The following PACSIN2 variants were observed in gnomAD, a reference collection of about 807,000 sequenced individuals.
PACSIN2 encodes the protein protein kinase C and casein kinase substrate in neurons protein 2.
A neutral mutation model predicts 63.8 loss-of-function variants in PACSIN2; 25 were observed. That is an observed-to-expected ratio of 0.39 (90% CI 0.29 to 0.55). The LOEUF (loss-of-function observed/expected upper bound fraction) is 0.55. PACSIN2 is among the 20% of genes least tolerant of loss of function. The probability of loss-of-function intolerance (pLI) is 0.62; values close to 1 mark genes in which losing one functional copy is unlikely to be tolerated. For synonymous variants in PACSIN2, 255 were observed against 256.2 expected (o/e 1.00, Z 0.05); for missense variants, 518 against 646.9 (o/e 0.80, Z 2.16).
At chr22:42,875,910 C>T (rs1405604609) in intron 10 of PACSIN2, among the ~76,000 whole-genome samples, 1 of 151,988 alleles carries the variant, frequency 6.6e-6, no homozygotes, top group Non-Finnish European at 1.5e-5. Context: ...TGGGCTCAAG[C>T]GATCCTTCCA....
chr22:43,009,607 C>T (rs1270685787), intron 1 of PACSIN2, among the ~76,000 whole-genome samples: 3 of 152,166 alleles, frequency 2.0e-5, no homozygotes, highest in African/African-American at 7.2e-5. Context: ...TGCTGATTGT[C>T]CCAGACCTCA....
At chr22:43,008,583 T>A (rs563517008) in intron 1 of PACSIN2, among the ~76,000 whole-genome samples, 1 of 152,310 alleles carries the variant, frequency 6.6e-6, no homozygotes, top group Non-Finnish European at 1.5e-5. Flanking sequence ...ATGAGCTCTT[T>A]ATATAGCTCA....
Position 42,901,395 on chromosome 22 carries a change from C to T in PACSIN2, c.61-7782G>A, listed in dbSNP as rs144461288. Reference sequence around the variant, plus strand: ...TCCAAGTCTGCAGTTGGCAACGAGACGGGCAAAATGCTTTCGATAACTTGT... The same window carrying T: ...TCCAAGTCTGCAGTTGGCAACGAGATGGGCAAAATGCTTTCGATAACTTGT... On this transcript the variant is annotated intron_variant, in intron 2 of 10. Coordinates refer to ENST00000263246, the MANE Select transcript of PACSIN2 (RefSeq NM_001184970.3). Among the ~76,000 whole-genome samples, 35 of 152,306 alleles carry T rather than the reference C, an allele frequency of 2.3e-4. No homozygotes were observed. In the East Asian group the frequency reaches 2.9e-3, roughly 13 times the overall value.
chr22:43,001,412 C>A (rs902528861), intron 1 of PACSIN2, among the ~76,000 whole-genome samples: 2 of 152,252 alleles, frequency 1.3e-5, no homozygotes, highest in African/African-American at 4.8e-5. Flanking sequence ...GAGCAAAGTA[C>A]AATTTCCACA....
chr22:42,881,298 C>A (rs1055916885), intron 7 of PACSIN2, among the ~76,000 whole-genome samples: 2 of 152,186 alleles, frequency 1.3e-5, no homozygotes, highest in African/African-American at 4.8e-5. Context: ...CCCTAACAGC[C>A]CCCGACAGGA....
chr22:42,960,181 A>G (rs936108993), intron 1 of PACSIN2, among the ~76,000 whole-genome samples: 2 of 152,368 alleles, frequency 1.3e-5, no homozygotes, highest in East Asian at 1.9e-4. Flanking sequence ...GAGTCTTCTA[A>G]TATCTTCTTG....
Position 42,983,489 on chromosome 22 carries a change from C to CAAAAAAAAA in PACSIN2, c.-78+31523_-78+31531dup, listed in dbSNP as rs775403003. Among the ~76,000 whole-genome samples the CAAAAAAAAA allele has an allele frequency of 1.6e-3, 134 of 82,176 alleles. 15 individuals carry two copies. Among genetic ancestry groups the CAAAAAAAAA allele is most frequent in the East Asian group, 8.8e-3 (25 of 2,846 alleles). The allele number at this position is 82,176 out of a possible 152,430, so 53.9% of individuals were successfully genotyped here. On this transcript the variant is annotated intron_variant, in intron 1 of 10. Coordinates refer to ENST00000263246, the MANE Select transcript of PACSIN2 (RefSeq NM_001184970.3). Reference sequence around the variant, plus strand: ...TGGACAACAGAGTGAGACTCCATCTCAAAAAAAAAAAAAAAAAAACAGATA... The same window carrying CAAAAAAAAA: ...TGGACAACAGAGTGAGACTCCATCTCAAAAAAAAAAAAAAAAAAAAAAAAAAAACAGATA...
intron 1 of PACSIN2, among the ~76,000 whole-genome samples, chr22:43,008,256 T>G (rs1924226132): frequency 2.0e-5 from 3 of 152,170 alleles, no homozygotes; most frequent in Admixed American, 1.3e-4. Flanking sequence ...TTCAGTGGTC[T>G]TCTTTTTTTT....
chr22:42,920,644 G>A (rs1454046362), intron 1 of PACSIN2, among the ~76,000 whole-genome samples: 2 of 152,128 alleles, frequency 1.3e-5, no homozygotes, highest in Admixed American at 1.3e-4. Flanking sequence ...CTGGAAGAGA[G>A]CAGCCAGGTG....
At chr22:42,942,556 C>G (rs1933219134) in intron 1 of PACSIN2, among the ~76,000 whole-genome samples, 1 of 152,060 alleles carries the variant, frequency 6.6e-6, no homozygotes, top group Non-Finnish European at 1.5e-5. Flanking sequence ...ACATTTAGGT[C>G]TCTGATCCAT....
chr22:42,902,670 G>C (rs568325573), intron 2 of PACSIN2, among the ~76,000 whole-genome samples: 1 of 152,276 alleles, frequency 6.6e-6, no homozygotes, highest in South Asian at 2.1e-4. Context: ...CATCTCAGCA[G>C]TGGCATGATC....
chr22:42,993,703 C>T (rs1339604877), intron 1 of PACSIN2: 6 of 152,216 alleles, frequency 3.9e-5, no homozygotes, highest in African/African-American at 1.4e-4. Flanking sequence ...CTGAGACTGG[C>T]AGGAATGCCC....
At chr22:42,945,575 T>C (rs1362418611) in intron 1 of PACSIN2, among the ~76,000 whole-genome samples, 1 of 152,060 alleles carries the variant, frequency 6.6e-6, no homozygotes, top group African/African-American at 2.4e-5. Flanking sequence ...CCACCATTCA[T>C]TCACCCAGCT....
chr22:43,005,981 T>C (rs1924065604), intron 1 of PACSIN2, among the ~76,000 whole-genome samples: 1 of 152,020 alleles, frequency 6.6e-6, no homozygotes, highest in Non-Finnish European at 1.5e-5. Flanking sequence ...TTTGTTGAGA[T>C]AGGGTCTCAC....
intron 4 of PACSIN2, among the ~76,000 whole-genome samples, chr22:42,889,806 G>C (rs1225801704): frequency 1.3e-5 from 2 of 152,028 alleles, no homozygotes; most frequent in African/African-American, 4.8e-5. Flanking sequence ...AAACTCAATG[G>C]CTTTGGTTGC....
intron 10 of PACSIN2, among the ~76,000 whole-genome samples, chr22:42,874,384 C>T (rs1451074041): frequency 2.0e-5 from 3 of 151,058 alleles, no homozygotes; most frequent in African/African-American, 4.9e-5. Context: ...AGACATTGCA[C>T]AGAAAGTCTT....
intron 1 of PACSIN2, among the ~76,000 whole-genome samples, chr22:43,013,554 GACA>G (rs1273435867): frequency 1.3e-5 from 2 of 152,170 alleles, no homozygotes; most frequent in Non-Finnish European, 1.5e-5. Flanking sequence ...CAAGTGGAAC[GACA>G]ACATCTTGGG....
intron 1 of PACSIN2, among the ~76,000 whole-genome samples, chr22:42,989,382 C>G (rs968813841): frequency 6.6e-6 from 1 of 151,466 alleles, no homozygotes; most frequent in Non-Finnish European, 1.5e-5. Flanking sequence ...CCTGTAATCC[C>G]AGCTACTAAG....
At chr22:42,920,660 C>T (rs1054951298) in intron 1 of PACSIN2, among the ~76,000 whole-genome samples, 4 of 152,020 alleles carry the variant, frequency 2.6e-5, no homozygotes, top group Non-Finnish European at 4.4e-5. Flanking sequence ...AGGTGTGCAC[C>T]AGGAGAAGAA....
Sources: allele counts gnomAD v4.1 joint callset (sites outside exome capture counted in the v4.1 genomes callset), GRCh38; gene constraint gnomAD v4.1.1; transcripts MANE v1.5; gene names NCBI Gene and HGNC (gene_info 2026-07-23, HGNC 2026-07-21).